The following DDIAS variants were observed in gnomAD, a reference collection of about 807,000 sequenced individuals.
The protein encoded by DDIAS is DNA damage-induced apoptosis suppressor protein.
In DDIAS, 14 loss-of-function variants were observed where a neutral mutation model predicts 15.7. The observed-to-expected ratio is 0.89, with a 90% confidence interval of 0.59 to 1.39. The LOEUF is 1.39. Ranked by LOEUF, DDIAS falls within the 40% of genes most tolerant of loss-of-function variation. The pLI, the probability that DDIAS is intolerant of heterozygous loss-of-function variation, is 0.00. For missense variants in DDIAS, 1,035 were observed against 1,130.9 expected (o/e 0.92, Z 1.22); for synonymous variants, 355 against 395.9 (o/e 0.90, Z 1.23).
chr11:82,914,789 T>C lies in DDIAS; in HGVS notation c.51T>C (p.Asn17=). Reference sequence around the variant, plus strand: ...TAGCCTCAGTACTTGCTCTCCAGAATTCAAGTTTTATATATCCATCATGTC... The same window carrying C: ...TAGCCTCAGTACTTGCTCTCCAGAACTCAAGTTTTATATATCCATCATGTC... ...FLLASVLALQ[N]SSFIYPSCQK... The change falls in exon 3 of 6, where the codon AAT becomes AAC. Residue 17 remains asparagine (N), a synonymous_variant. Transcript: ENST00000533655. 1 of 1,611,778 alleles carries C rather than the reference T, an allele frequency of 6.2e-7. No individual in the cohort carries two copies. The highest frequency in any genetic ancestry group is 8.5e-7 in the Non-Finnish European group (1 of 1,178,118).
At position 82,910,425 on chromosome 11, in the gene DDIAS, A is replaced by C. The variant is rs543051285; in HGVS notation, c.-116-2862A>C. Among the ~76,000 whole-genome samples the C allele has an allele frequency of 1.3e-3, 195 of 151,484 alleles. 2 individuals are homozygous for C. The Middle Eastern group carries it at 0.021, about 16-fold the overall frequency. On this transcript the variant is annotated intron_variant, in intron 1 of 5. Coordinates refer to ENST00000533655, the MANE Select transcript of DDIAS (RefSeq NM_145018.4). ...CCTGAGTAGCTGGGATTACAGGTGC[A>C]CACCAGGCTAATTTTGTATATTTTT... is the stretch of plus-strand genomic sequence containing the variant.
chr11:82,902,391 C>T (rs1036419860), intron 1 of DDIAS, among the ~76,000 whole-genome samples: 8 of 151,868 alleles, frequency 5.3e-5, no homozygotes, highest in African/African-American at 1.7e-4. Flanking sequence ...AGTAACCCCC[C>T]CCTCCCCCGC....
Position 82,933,662 on chromosome 11 carries a change from C to T in DDIAS, c.2324C>T (p.Thr775Ile), listed in dbSNP as rs756823728. Residue 775 changes from threonine to isoleucine, a missense_variant, in exon 6 of 6, where the codon ACT becomes ATT. Thr to Ile is a moderately conservative substitution (Grantham distance 89). Transcript: ENST00000533655. ...SQDFVPCSQS[T>I]PISGFHQTRI... is the part of the protein sequence containing the mutation. ...GACTTTGTTCCATGTTCACAGTCAA[C>T]TCCAATTTCAGGGTTCCACCAAACA... 1 of 1,614,068 alleles carries T rather than the reference C, an allele frequency of 6.2e-7. No homozygotes were observed. The highest frequency in any genetic ancestry group is 8.5e-7 in the Non-Finnish European group (1 of 1,179,978).
rs1218268345 is a variant in DDIAS at position 82,933,605 on chromosome 11, C to A, written c.2267C>A (p.Ser756Ter). ...RTCSPTPHFQSDSEYNFENSQ... is the reference protein window; with the variant it reads ...RTCSPTPHFQ Reference sequence around the variant, plus strand: ...TGCTCTCCAACACCTCATTTTCAATCAGATTCAGAATATAATTTTGAAAAT... The same window carrying A: ...TGCTCTCCAACACCTCATTTTCAATAAGATTCAGAATATAATTTTGAAAAT... The change falls in exon 6 of 6, where the codon TCA becomes TAA. Residue 756 changes from serine (S) to a stop codon, truncating the protein, a stop_gained. Transcript: ENST00000533655. LOFTEE classifies it low-confidence loss of function (END_TRUNC). The A allele has an allele frequency of 6.2e-7, 1 of 1,613,696 alleles. No individual in the cohort carries two copies.
intron 3 of DDIAS, among the ~76,000 whole-genome samples, chr11:82,928,175 CTCTTTTTT>C (rs1565249564): frequency 9.9e-5 from 6 of 60,390 alleles, no homozygotes; most frequent in African/African-American, 2.9e-4. Flanking sequence ...ATTTTTTGTC[CTCTTTTTT>C]TTTTTTTTTT....
intron 4 of DDIAS, among the ~76,000 whole-genome samples, chr11:82,929,924 C>T (rs577844119): frequency 9.9e-5 from 15 of 152,202 alleles, no homozygotes; most frequent in African/African-American, 3.1e-4. Context: ...TAATCATTGC[C>T]GGGCCTGATG....
intron 2 of DDIAS, 158 bp from the exon 3 acceptor site, chr11:82,914,564 GA>G: frequency 2.0e-6 from 1 of 497,256 alleles, no homozygotes; most frequent in Non-Finnish European, 3.5e-6. Context: ...AGGAGAAAAA[GA>G]ATTAATTTTC....
intron 3 of DDIAS, among the ~76,000 whole-genome samples, chr11:82,921,194 C>A (rs932203841): frequency 6.6e-6 from 1 of 151,960 alleles, no homozygotes; most frequent in Non-Finnish European, 1.5e-5. Context: ...AAATAGCTAC[C>A]CCTGCTTGGT....
In DDIAS at chr11:82,933,903, G is replaced by A. The variant is rs779107306; in HGVS notation, c.2565G>A (p.Glu855=). The part of the protein sequence containing the change: ...PDVFNHYPFA[E]CHETDSDEWV... ...TTTTCAATCACTACCCTTTTGCTGA[G>A]TGCCATGAAACTGATAGTGATGAAT... Residue 855 remains glutamate (E), a synonymous_variant, in exon 6 of 6, where the codon GAG becomes GAA. Transcript: ENST00000533655. 3 of 1,613,880 alleles carry A rather than the reference G, an allele frequency of 1.9e-6. No homozygotes were observed. Among genetic ancestry groups the A allele is most frequent in the Non-Finnish European group, 2.5e-6 (3 of 1,179,980 alleles).
At chr11:82,912,386 C>T (rs1328889946) in intron 1 of DDIAS, among the ~76,000 whole-genome samples, 4 of 152,180 alleles carry the variant, frequency 2.6e-5, no homozygotes, top group Non-Finnish European at 4.4e-5. Flanking sequence ...TCTACATCAG[C>T]GCTTGCTGCT....
rs1481559101 is a variant in DDIAS at position 82,933,958 on chromosome 11, C to T, written c.2620C>T (p.Pro874Ser). 6.2e-7 allele frequency: 1 copy of T among 1,612,428 alleles called. No individual in the cohort carries two copies. Residue 874 changes from proline to serine, a missense_variant, in exon 6 of 6, where the codon CCT becomes TCT. Transcript: ENST00000533655. ...WVPPTTQKIFPSDMLGFQGIG... is the reference protein window; with the variant it reads ...WVPPTTQKIFSSDMLGFQGIG... Reference sequence around the variant, plus strand: ...CCCTCCTACCACACAAAAAATATTTCCTTCAGATATGCTTGGATTCCAAGG... The same window carrying T: ...CCCTCCTACCACACAAAAAATATTTTCTTCAGATATGCTTGGATTCCAAGG...
intron 3 of DDIAS, among the ~76,000 whole-genome samples, chr11:82,923,898 C>G (rs1427813691): frequency 6.6e-6 from 1 of 152,170 alleles, no homozygotes; most frequent in Non-Finnish European, 1.5e-5. Context: ...TATGTCTGTA[C>G]TCTCCCCAGA....
chr11:82,904,520 T>G (rs1156972207), intron 1 of DDIAS, among the ~76,000 whole-genome samples: 1 of 152,240 alleles, frequency 6.6e-6, no homozygotes, highest in African/African-American at 2.4e-5. Context: ...GGGATTTAAC[T>G]ATAACCATGT....
intron 1 of DDIAS, among the ~76,000 whole-genome samples, chr11:82,911,572 T>C (rs1171923383): frequency 6.6e-6 from 1 of 152,238 alleles, no homozygotes. Flanking sequence ...CCACCACATC[T>C]GCAGTCACTT....
intron 3 of DDIAS, among the ~76,000 whole-genome samples, chr11:82,917,037 A>G (rs1283079473): frequency 1.3e-5 from 2 of 152,182 alleles, no homozygotes; most frequent in African/African-American, 4.8e-5. Context: ...TATAAAACCC[A>G]TGGCACATAG....
intron 2 of DDIAS, chr11:82,914,223 C>T (rs1860584232): frequency 4.4e-6 from 1 of 229,316 alleles, no homozygotes; most frequent in Non-Finnish European, 8.8e-6. Flanking sequence ...GCATGAGCCA[C>T]CACGCCCGGC....
chr11:82,914,693 A>G (rs756192318), intron 2 of DDIAS, 30 bp from the exon 3 acceptor site: 2 of 1,160,482 alleles, frequency 1.7e-6, no homozygotes, highest in Admixed American at 3.6e-5. Context: ...AAGATTTGCC[A>G]GTCATCCCAA....
intron 1 of DDIAS, among the ~76,000 whole-genome samples, chr11:82,911,625 C>T (rs1449019937): frequency 6.6e-6 from 1 of 152,204 alleles, no homozygotes; most frequent in Non-Finnish European, 1.5e-5. Context: ...TCCATGAGGA[C>T]TGGAATCAGC....
chr11:82,912,589 A>G (rs1189565972), intron 1 of DDIAS, among the ~76,000 whole-genome samples: 1 of 152,106 alleles, frequency 6.6e-6, no homozygotes, highest in African/African-American at 2.4e-5. Context: ...GGCTCGTTTG[A>G]TCTTCTATCC....
Sources: gnomAD v4.1 joint callset for allele counts (sites outside exome capture counted in the v4.1 genomes callset) on GRCh38, gnomAD v4.1.1 for gene constraint, MANE v1.5 for transcripts, NCBI Gene and HGNC (gene_info 2026-07-23, HGNC 2026-07-21) for gene names.